MTA3: variants seen among roughly 807,000 people sequenced by gnomAD.
MTA3 encodes metastasis-associated protein MTA3.
MTA3 carries 34 observed loss-of-function variants against 83.5 expected under a neutral mutation model. The ratio of observed to expected loss-of-function variants is 0.41; its 90% confidence interval spans 0.31 to 0.54. The LOEUF (loss-of-function observed/expected upper bound fraction) is 0.54, where lower values mean the gene tolerates loss of function less well. Ranked by LOEUF, MTA3 falls within the 20% of genes least tolerant of loss-of-function variation. The probability of loss-of-function intolerance (pLI) is 0.33; values close to 1 mark genes in which losing one functional copy is unlikely to be tolerated. For synonymous variants in MTA3, 303 were observed against 252.7 expected (o/e 1.20, Z -1.89); for missense variants, 761 against 726.4 (o/e 1.05, Z -0.55).
chr2:42,598,319 C>A (rs995878217), intron 3 of MTA3, among the ~76,000 whole-genome samples: 1 of 152,110 alleles, frequency 6.6e-6, no homozygotes, highest in Non-Finnish European at 1.5e-5. Flanking sequence ...CCCGCCTCGG[C>A]CTCCCAAAGT....
chr2:42,734,012 T>G (rs1357126139), intron 16 of MTA3, among the ~76,000 whole-genome samples: 1 of 152,246 alleles, frequency 6.6e-6, no homozygotes, highest in East Asian at 1.9e-4. Context: ...AGCCTTCAGA[T>G]AAAATGTTCT....
chr2:42,692,548 C>T (rs1053707291), intron 9 of MTA3, among the ~76,000 whole-genome samples: 4 of 151,986 alleles, frequency 2.6e-5, no homozygotes, highest in Non-Finnish European at 5.9e-5. Context: ...CCTCAGCCTC[C>T]CAAGTAGCTG....
intron 2 of MTA3, among the ~76,000 whole-genome samples, chr2:42,522,145 G>C (rs1000626634): frequency 6.6e-6 from 1 of 152,198 alleles, no homozygotes; most frequent in Non-Finnish European, 1.5e-5. Context: ...TTGTGTGATA[G>C]AGGCAGCCTC....
intron 6 of MTA3, among the ~76,000 whole-genome samples, chr2:42,644,582 C>T (rs575389966): frequency 6.6e-5 from 10 of 152,204 alleles, no homozygotes; most frequent in Admixed American, 3.3e-4. Context: ...TACTGCACTT[C>T]ATATATATCT....
At chr2:42,568,813 G>A in intron 1 of MTA3, 40 bp downstream of exon 1, 1 of 1,214,726 alleles carries the variant, frequency 8.2e-7, no homozygotes, top group Middle Eastern at 2.9e-4. Context: ...GTGGGAGCGG[G>A]TTCCGGGAGC....
intron 3 of MTA3, among the ~76,000 whole-genome samples, chr2:42,602,455 G>T (rs1171803290): frequency 6.6e-6 from 1 of 152,206 alleles, no homozygotes; most frequent in Non-Finnish European, 1.5e-5. Flanking sequence ...ACTTGTCACA[G>T]AAATTTTACT....
chr2:42,613,298 A>G (rs573303616), intron 4 of MTA3, among the ~76,000 whole-genome samples: 24 of 152,362 alleles, frequency 1.6e-4, no homozygotes, highest in Non-Finnish European at 3.1e-4. Flanking sequence ...CCTTTGAATT[A>G]TGATGAAGAG....
At chr2:42,750,371 T>C (rs1354719144) in intron 16 of MTA3, among the ~76,000 whole-genome samples, 1 of 151,892 alleles carries the variant, frequency 6.6e-6, no homozygotes, top group Non-Finnish European at 1.5e-5. Flanking sequence ...TTATGTGTTA[T>C]TTGGTCTCTA....
Position 42,550,327 on chromosome 2 carries a change from G to A in MTA3, c.-140-20110G>A, listed in dbSNP as rs112714713. Among the ~76,000 whole-genome samples the A allele has an allele frequency of 6.2e-4, 95 of 152,266 alleles. 1 individual carries two copies. Among genetic ancestry groups the A allele is most frequent in the African/African-American group, 2.2e-3 (93 of 41,546 alleles). ...GGGTGGAAGACATTAACAGAAATGT[G>A]TTCTGACTGCTAGCAATCAAGTTCA... On this transcript the variant is annotated intron_variant, in intron 2 of 17. Transcript: ENST00000405592.
upstream of MTA3, chr2:42,568,606 CCCCTCCCTT>C (rs1191702734): frequency 1.1e-5 from 2 of 177,254 alleles, no homozygotes; most frequent in East Asian, 3.5e-4. Context: ...CACCCCCTGT[CCCCTCCCTT>C]CCCTCCCTTC....
At chr2:42,701,171 G>A (rs530370035) in intron 11 of MTA3, among the ~76,000 whole-genome samples, 5 of 147,688 alleles carry the variant, frequency 3.4e-5, no homozygotes, top group East Asian at 2.0e-4. Flanking sequence ...GCATGGTGGC[G>A]TGTGACTGTA....
At chr2:42,723,909 CTT>C (rs1439740058) in intron 16 of MTA3, among the ~76,000 whole-genome samples, 1 of 152,112 alleles carries the variant, frequency 6.6e-6, no homozygotes, top group African/African-American at 2.4e-5. Context: ...TCCATTATGA[CTT>C]TTGATGTTCA....
intron 16 of MTA3, among the ~76,000 whole-genome samples, chr2:42,750,207 T>G (rs780272786): frequency 5.9e-5 from 9 of 152,116 alleles, no homozygotes; most frequent in African/African-American, 2.2e-4. Flanking sequence ...GCCAGGCTGG[T>G]CTTGATCTCT....
At chr2:42,576,706 T>A (rs1679065386) in intron 2 of MTA3, among the ~76,000 whole-genome samples, 1 of 152,114 alleles carries the variant, frequency 6.6e-6, no homozygotes. Flanking sequence ...GAGACTAGCC[T>A]GGCCAATGTG....
At chr2:42,527,556 G>C (rs1220061680) in intron 2 of MTA3, among the ~76,000 whole-genome samples, 1 of 152,142 alleles carries the variant, frequency 6.6e-6, no homozygotes, top group Non-Finnish European at 1.5e-5. Flanking sequence ...GGTGGAGGGA[G>C]ATGATAACTT....
intron 2 of MTA3, among the ~76,000 whole-genome samples, chr2:42,553,021 A>G (rs1677191567): frequency 1.3e-5 from 2 of 152,014 alleles, no homozygotes; most frequent in South Asian, 4.2e-4. Flanking sequence ...TCACACCTAT[A>G]ATCCCAGCAC....
chr2:42,659,572 G>T, intron 7 of MTA3, 191 bp from the exon 8 acceptor site: 1 of 280,700 alleles, frequency 3.6e-6, no homozygotes, highest in Non-Finnish European at 6.5e-6. Context: ...ATAGTAAATT[G>T]GCTTGTCAAT....
intron 16 of MTA3, among the ~76,000 whole-genome samples, chr2:42,744,979 C>G (rs1669308197): frequency 6.6e-6 from 1 of 152,160 alleles, no homozygotes; most frequent in African/African-American, 2.4e-5. Flanking sequence ...ATTTGGAAAC[C>G]TCCACTGGGT....
At chr2:42,695,177 G>A (rs1693267961) in intron 9 of MTA3, among the ~76,000 whole-genome samples, 2 of 151,994 alleles carry the variant, frequency 1.3e-5, no homozygotes, top group Admixed American at 1.3e-4. Context: ...ATAATTTTTA[G>A]TAAAATGTAT....
Sources: allele counts gnomAD v4.1 joint callset (sites outside exome capture counted in the v4.1 genomes callset), GRCh38; gene constraint gnomAD v4.1.1; transcripts MANE v1.5; gene names NCBI Gene and HGNC (gene_info 2026-07-23, HGNC 2026-07-21).